TNR: variants seen among roughly 807,000 people sequenced by gnomAD.
TNR encodes the protein tenascin-R.
In TNR, 45 loss-of-function variants were observed where a neutral mutation model predicts 150.4. That is an observed-to-expected ratio of 0.30 (90% CI 0.24 to 0.38). The LOEUF (loss-of-function observed/expected upper bound fraction) is 0.38, where lower values mean the gene tolerates loss of function less well. Among genes scored for constraint, TNR ranks in the 10% least tolerant of loss-of-function variants. The pLI, the probability that TNR is intolerant of heterozygous loss-of-function variation, is 1.00. For missense variants in TNR, 1,544 were observed against 1,759.1 expected (o/e 0.88, Z 2.19); for synonymous variants, 687 against 678.4 (o/e 1.01, Z -0.20).
At chr1:175,495,076 C>T (rs1282380785) in intron 2 of TNR, among the ~76,000 whole-genome samples, 1 of 152,070 alleles carries the variant, frequency 6.6e-6, no homozygotes, top group Non-Finnish European at 1.5e-5. Context: ...CATTGCTCAC[C>T]CACTCATTTA....
At chr1:175,735,323 G>A (rs985529351) in intron 1 of TNR, among the ~76,000 whole-genome samples, 6 of 152,140 alleles carry the variant, frequency 3.9e-5, no homozygotes, top group Admixed American at 1.3e-4. Context: ...AGAGGGCACC[G>A]TGACTGTCAG....
At chr1:175,500,794 G>T in intron 2 of TNR, among the ~76,000 whole-genome samples, 1 of 152,360 alleles carries the variant, frequency 6.6e-6, no homozygotes, top group African/African-American at 2.4e-5. Flanking sequence ...GAGGTCTGGA[G>T]CAGGAGGACG....
intron 9 of TNR, among the ~76,000 whole-genome samples, chr1:175,373,490 T>C (rs1652199362): frequency 6.6e-6 from 1 of 152,194 alleles, no homozygotes; most frequent in Non-Finnish European, 1.5e-5. Context: ...AGTCAGGCTT[T>C]CGAGGCCATC....
intron 9 of TNR, among the ~76,000 whole-genome samples, chr1:175,372,991 T>C (rs933673610): frequency 6.6e-5 from 10 of 152,232 alleles, no homozygotes; most frequent in Non-Finnish European, 1.5e-4. Flanking sequence ...TTAGTTTTCA[T>C]GTTGGTTTCC....
intron 20 of TNR, among the ~76,000 whole-genome samples, chr1:175,333,005 C>T (rs1293006076): frequency 6.6e-6 from 1 of 152,240 alleles, no homozygotes; most frequent in South Asian, 2.1e-4. Flanking sequence ...CTAACCTTCA[C>T]TCACAGTCTC....
At chr1:175,538,783 A>C (rs1050214695) in intron 1 of TNR, 2 of 152,248 alleles carry the variant, frequency 1.3e-5, no homozygotes, top group Non-Finnish European at 2.9e-5. Flanking sequence ...CAGTCAAGAC[A>C]GACTCTGGCT....
intron 2 of TNR, among the ~76,000 whole-genome samples, chr1:175,489,278 G>A (rs1008442318): frequency 3.3e-5 from 5 of 152,130 alleles, no homozygotes; most frequent in Non-Finnish European, 7.4e-5. Flanking sequence ...CCACTTCTGA[G>A]TGCATAACTC....
chr1:175,638,939 C>G (rs1664567686), intron 1 of TNR, among the ~76,000 whole-genome samples: 1 of 152,150 alleles, frequency 6.6e-6, no homozygotes, highest in African/African-American at 2.4e-5. Flanking sequence ...GTTGCCCAAA[C>G]CAAAATCTTA....
chr1:175,562,177 A>C (rs1661456448), intron 1 of TNR, among the ~76,000 whole-genome samples: 1 of 152,146 alleles, frequency 6.6e-6, no homozygotes, highest in Non-Finnish European at 1.5e-5. Context: ...CCTATAAGCT[A>C]TATTGTTATA....
At chr1:175,610,937 A>C (rs868624306) in intron 1 of TNR, among the ~76,000 whole-genome samples, 5 of 152,206 alleles carry the variant, frequency 3.3e-5, no homozygotes, top group African/African-American at 1.2e-4. Flanking sequence ...GTTTTTTACT[A>C]ACGTAAATAA....
intron 1 of TNR, among the ~76,000 whole-genome samples, chr1:175,708,045 TG>T (rs1666891596): frequency 6.6e-6 from 1 of 151,372 alleles, no homozygotes; most frequent in African/African-American, 2.5e-5. Context: ...TGTGTGTGTG[TG>T]TGTGTGTGTG....
intron 18 of TNR, among the ~76,000 whole-genome samples, chr1:175,340,073 A>G (rs1187942239): frequency 6.6e-6 from 1 of 152,236 alleles, no homozygotes; most frequent in African/African-American, 2.4e-5. Context: ...TTTTAAAGTT[A>G]GAAAAATAAG....
rs531170620 is a variant in TNR, at chr1:175,487,439, C to G, written c.-64+40830G>C. Among the ~76,000 whole-genome samples, 23 of 152,276 alleles carry G rather than the reference C, an allele frequency of 1.5e-4. No individual in the cohort carries two copies. In the South Asian group the frequency reaches 4.6e-3, roughly 30 times the overall value. Reference sequence around the variant, plus strand: ...AGGCATACTCATTTGATGATCTTCCCGACATCCTTTGATTTTGGACACTGC... The same window carrying G: ...AGGCATACTCATTTGATGATCTTCCGGACATCCTTTGATTTTGGACACTGC... On this transcript the variant is annotated intron_variant, in intron 2 of 22. Coordinates refer to ENST00000367674, the MANE Select transcript of TNR (RefSeq NM_003285.3).
chr1:175,373,658 G>A (rs1372604302), intron 9 of TNR, among the ~76,000 whole-genome samples: 1 of 152,146 alleles, frequency 6.6e-6, no homozygotes, highest in African/African-American at 2.4e-5. Flanking sequence ...TATTGCTGGT[G>A]GAATTAATGA....
At chr1:175,503,376 AT>A (rs1373792664) in intron 2 of TNR, among the ~76,000 whole-genome samples, 1 of 152,166 alleles carries the variant, frequency 6.6e-6, no homozygotes, top group Non-Finnish European at 1.5e-5. Context: ...GAATCAATAT[AT>A]TTTTAGAGTG....
At chr1:175,428,865 A>G (rs1026070792) in intron 2 of TNR, among the ~76,000 whole-genome samples, 1 of 152,218 alleles carries the variant, frequency 6.6e-6, no homozygotes, top group African/African-American at 2.4e-5. Context: ...ACTTACTTAA[A>G]CAATTAACTG....
At chr1:175,392,690 A>C (rs557728736) in intron 6 of TNR, among the ~76,000 whole-genome samples, 1 of 152,314 alleles carries the variant, frequency 6.6e-6, no homozygotes, top group South Asian at 2.1e-4. Context: ...CTATAATATG[A>C]CTGTAAATAA....
At chr1:175,326,644 G>T (rs1649411986) in intron 21 of TNR, among the ~76,000 whole-genome samples, 2 of 152,030 alleles carry the variant, frequency 1.3e-5, no homozygotes, top group South Asian at 4.1e-4. Context: ...AAAACATATT[G>T]CTTACTTTTT....
At chr1:175,576,032 C>A (rs1662096057) in intron 1 of TNR, among the ~76,000 whole-genome samples, 1 of 152,174 alleles carries the variant, frequency 6.6e-6, no homozygotes, top group Admixed American at 6.5e-5. Flanking sequence ...TTTTTCCCCT[C>A]ATTCTCTGCA....
Sources: gnomAD v4.1 joint callset for allele counts (sites outside exome capture counted in the v4.1 genomes callset) on GRCh38, gnomAD v4.1.1 for gene constraint, MANE v1.5 for transcripts, NCBI Gene and HGNC (gene_info 2026-07-23, HGNC 2026-07-21) for gene names.